Variants in DUSP22 observed in about 807,000 individuals in gnomAD.
The protein encoded by DUSP22 is dual specificity phosphatase 22.
Under a neutral mutation model 24.5 loss-of-function variants are expected in DUSP22, and 24 were observed. That is an observed-to-expected ratio of 0.98 (90% CI 0.71 to 1.38). DUSP22 has a LOEUF of 1.38. Among genes scored for constraint, DUSP22 ranks in the 40% most tolerant of loss-of-function variants. DUSP22 has a pLI of 0.00. For missense variants in DUSP22, 330 were observed against 269.2 expected, an observed-to-expected ratio of 1.23 and a Z score of -1.58; for synonymous variants, 160 against 106.4, an observed-to-expected ratio of 1.50 and a Z score of -3.10.
chr6:302,963 G>A (rs1165159268), intron 1 of DUSP22, among the ~76,000 whole-genome samples: 1 of 152,308 alleles, frequency 6.6e-6, no homozygotes, highest in Admixed American at 6.5e-5. Flanking sequence ...ACGCTTAGCA[G>A]GTCTCTGCTC....
rs7763092 is a variant in DUSP22, at chr6:349,386, T to G, written c.*435T>G. On this transcript the variant is annotated 3_prime_UTR_variant, in exon 7 of 7. Coordinates refer to ENST00000419235, the MANE Select transcript of DUSP22 (RefSeq NM_001286555.3). ...CTGCTGGAAGTCACAGAATTCATAT[T>G]GCTGCCCGGGTTGGTGTGGCCACCT... 16,509 of 1,019,138 alleles carry G rather than the reference T, an allele frequency of 0.016. 7 individuals carry two copies. Among genetic ancestry groups the G allele is most frequent in the African/African-American group, 0.077 (4,378 of 57,038 alleles). 63.1% of individuals were successfully genotyped at this position (1,019,138 alleles called of 1,614,324 possible).
intron 1 of DUSP22, among the ~76,000 whole-genome samples, chr6:298,831 G>C (rs1289184059): frequency 3.9e-5 from 6 of 152,302 alleles, no homozygotes. Context: ...GCAGGTTTTA[G>C]GGACACATTA....
intron 2 of DUSP22, among the ~76,000 whole-genome samples, chr6:310,193 T>A (rs1444218829): frequency 6.6e-6 from 1 of 152,302 alleles, no homozygotes; most frequent in African/African-American, 2.4e-5. Flanking sequence ...ACTCCTGACC[T>A]CAGGTGATTG....
At position 335,110 on chromosome 6, in the gene DUSP22, G is replaced by T. The variant is rs1305287032; in HGVS notation, c.139-4G>T. 3.7e-6 allele frequency: 6 copies of T among 1,613,142 alleles called. No homozygotes were observed. Among genetic ancestry groups the T allele is most frequent in the Middle Eastern group, 1.6e-4 (1 of 6,080 alleles). ...TTATGTATTTACTTTTTATTATTCTGCAGGGAGTTAAATACCTGTGCATCC... is the reference window on the plus strand; with the variant it reads ...TTATGTATTTACTTTTTATTATTCTTCAGGGAGTTAAATACCTGTGCATCC... On this transcript the variant is annotated splice_region_variant and splice_polypyrimidine_tract_variant and intron_variant, in intron 3 of 6. Coordinates refer to ENST00000419235, the MANE Select transcript of DUSP22 (RefSeq NM_001286555.3).
At chr6:309,190 G>C (rs1443129646) in intron 2 of DUSP22, among the ~76,000 whole-genome samples, 1 of 152,302 alleles carries the variant, frequency 6.6e-6, no homozygotes, top group Non-Finnish European at 1.5e-5. Flanking sequence ...TATGTAGATG[G>C]CTCTCATCCA....
intron 1 of DUSP22, among the ~76,000 whole-genome samples, chr6:298,381 C>T (rs1314573167): frequency 6.6e-6 from 1 of 152,308 alleles, no homozygotes; most frequent in Non-Finnish European, 1.5e-5. Context: ...ATTAAGATTC[C>T]GCTGCCACCC....
Position 351,024 on chromosome 6 carries a change from C to G in DUSP22, c.*2073C>G. 9.0e-7 allele frequency: 1 copy of G among 1,114,006 alleles called. No individual in the cohort carries two copies. The highest frequency in any genetic ancestry group is 1.4e-5 in the South Asian group (1 of 70,348). 69.0% of individuals were successfully genotyped at this position (1,114,006 alleles called of 1,614,324 possible). On this transcript the variant is annotated 3_prime_UTR_variant, in exon 7 of 7. Transcript: ENST00000419235. ...TACGTAGTCATGTTTATGTTGAGAACTAAGGATATTCTTTAGCAAGAGAAA... is the reference window on the plus strand; with the variant it reads ...TACGTAGTCATGTTTATGTTGAGAAGTAAGGATATTCTTTAGCAAGAGAAA...
At chr6:346,042 AC>A (rs1403792310) in intron 5 of DUSP22, 114 bp downstream of exon 5, 9 of 1,339,994 alleles carry the variant, frequency 6.7e-6, no homozygotes, top group Middle Eastern at 1.8e-4. Context: ...TTTTCTGTAA[AC>A]CCTGACTCTC....
chr6:348,870 G>T lies in DUSP22; in HGVS notation c.537G>T (p.Glu179Asp). The change falls in exon 7 of 7, where the codon GAG (glutamate) becomes GAT (aspartate). Residue 179 changes from glutamate (E) to aspartate (D), a missense_variant. Coordinates refer to ENST00000419235, the MANE Select transcript of DUSP22 (RefSeq NM_001286555.3). ...AATATAAGGAGCAAGGGCGCACAGAGCCCCAGCCCGGCGCCAGGCGGTGGA... is the reference window on the plus strand; with the variant it reads ...AATATAAGGAGCAAGGGCGCACAGATCCCCAGCCCGGCGCCAGGCGGTGGA... ...LGKYKEQGRT[E>D]PQPGARRWSS... 6.2e-7 allele frequency: 1 copy of T among 1,614,274 alleles called. No individual in the cohort carries two copies.
At chr6:297,160 G>A (rs1264866859) in intron 1 of DUSP22, among the ~76,000 whole-genome samples, 2 of 152,302 alleles carry the variant, frequency 1.3e-5, no homozygotes, top group African/African-American at 2.4e-5. Context: ...CTAAGCTTCA[G>A]GATTTTTTTC....
At chr6:298,233 A>G (rs932722975) in intron 1 of DUSP22, among the ~76,000 whole-genome samples, 2 of 152,296 alleles carry the variant, frequency 1.3e-5, no homozygotes, top group African/African-American at 4.8e-5. Context: ...TTCCCTTTTT[A>G]TATGCAAACT....
At chr6:334,420 C>G (rs970180947) in intron 3 of DUSP22, among the ~76,000 whole-genome samples, 3 of 152,154 alleles carry the variant, frequency 2.0e-5, no homozygotes, top group Admixed American at 6.5e-5. Context: ...TTAAATAAAT[C>G]TCACATTTAG....
intron 4 of DUSP22, among the ~76,000 whole-genome samples, chr6:344,363 G>T (rs1354392297): frequency 6.6e-6 from 1 of 152,294 alleles, no homozygotes; most frequent in Non-Finnish European, 1.5e-5. Context: ...TCGGCTCACT[G>T]CAGCCTTAAC....
intron 3 of DUSP22, among the ~76,000 whole-genome samples, chr6:329,828 C>T (rs1291102196): frequency 6.6e-6 from 1 of 152,274 alleles, no homozygotes; most frequent in Non-Finnish European, 1.5e-5. Flanking sequence ...GAGTCTTCTG[C>T]TGTGTGTGTT....
intron 1 of DUSP22, among the ~76,000 whole-genome samples, chr6:303,691 A>G (rs1250457136): frequency 6.6e-6 from 1 of 152,310 alleles, no homozygotes; most frequent in African/African-American, 2.4e-5. Flanking sequence ...TCGTGAGCAT[A>G]CTTTAACAAG....
Position 304,614 on chromosome 6 carries a change from T to G in DUSP22, c.22-14T>G, listed in dbSNP as rs925997103. 1.2e-6 allele frequency: 2 copies of G among 1,614,118 alleles called. No homozygotes were observed. The highest frequency in any genetic ancestry group is 8.5e-7 in the Non-Finnish European group (1 of 1,180,004). ...AGTCTGCCATGCTCATGTCTGTGTC[T>G]GTCTCTCTCCTAGATCCTGCCCGGC... On this transcript the variant is annotated splice_polypyrimidine_tract_variant and intron_variant, in intron 1 of 6. Transcript: ENST00000419235.
In DUSP22 at chr6:349,884, C is replaced by T; in HGVS notation, c.*933C>T. ...CTAAGTTGGGTGCCCCAGGGCACCC[C>T]CTCCTCTCTGCTCCTTGCCAGCTTC... On this transcript the variant is annotated 3_prime_UTR_variant, in exon 7 of 7. Transcript: ENST00000419235. 1 of 986,040 alleles carries T rather than the reference C, an allele frequency of 1.0e-6. No homozygotes were observed. Among genetic ancestry groups the T allele is most frequent in the Non-Finnish European group, 1.2e-6 (1 of 830,356 alleles). The allele number at this position is 986,040 out of a possible 1,614,324, so 61.1% of individuals were successfully genotyped here.
intron 3 of DUSP22, among the ~76,000 whole-genome samples, chr6:312,720 G>A (rs1486475648): frequency 2.0e-5 from 3 of 152,288 alleles, no homozygotes; most frequent in African/African-American, 7.2e-5. Context: ...GGTTCAGGCT[G>A]TTTTCATTTA....
At position 350,304 on chromosome 6, in the gene DUSP22, G is replaced by T; in HGVS notation, c.*1353G>T. ...CGAGAGCATCTACAGTTTGTACTCT[G>T]GGGCTGCAGGCATCCTGGGACGCTG... On this transcript the variant is annotated 3_prime_UTR_variant, in exon 7 of 7. Transcript: ENST00000419235. The T allele has an allele frequency of 1.0e-6, 1 of 998,448 alleles. No individual in the cohort carries two copies. Among genetic ancestry groups the T allele is most frequent in the South Asian group, 4.4e-5 (1 of 22,706 alleles). 61.8% of individuals were successfully genotyped at this position (998,448 alleles called of 1,614,324 possible).
Sources: allele counts gnomAD v4.1 joint callset (sites outside exome capture counted in the v4.1 genomes callset), GRCh38; gene constraint gnomAD v4.1.1; transcripts MANE v1.5; gene names NCBI Gene and HGNC (gene_info 2026-07-23, HGNC 2026-07-21).